NOL4L: variants seen among roughly 807,000 people sequenced by gnomAD.
The protein encoded by NOL4L is nucleolar protein 4-like.
In NOL4L, 7 loss-of-function variants were observed where a neutral mutation model predicts 64.5. That is an observed-to-expected ratio of 0.11 (90% CI 0.06 to 0.20). The LOEUF (loss-of-function observed/expected upper bound fraction) is 0.20. Ranked by LOEUF, NOL4L falls within the 10% of genes least tolerant of loss-of-function variation. NOL4L has a pLI of 1.00. For missense variants in NOL4L, 680 were observed against 967.1 expected (o/e 0.70, Z 3.94); for synonymous variants, 413 against 401.0 (o/e 1.03, Z -0.36).
At chr20:32,492,174 C>A (rs2016493778) in intron 4 of NOL4L, among the ~76,000 whole-genome samples, 2 of 152,194 alleles carry the variant, frequency 1.3e-5, no homozygotes, top group African/African-American at 4.8e-5. Context: ...GCACTATTCA[C>A]AACAGCTCCC....
At chr20:32,564,388 T>G (rs563820111) in intron 1 of NOL4L, among the ~76,000 whole-genome samples, 4 of 152,314 alleles carry the variant, frequency 2.6e-5, no homozygotes, top group Admixed American at 6.5e-5. Flanking sequence ...CAGCCCCATT[T>G]ACAGGGGAGA....
intron 5 of NOL4L, among the ~76,000 whole-genome samples, chr20:32,459,738 G>T (rs2013877969): frequency 6.6e-6 from 1 of 152,088 alleles, no homozygotes; most frequent in African/African-American, 2.4e-5. Flanking sequence ...TCGCTATATT[G>T]CCCAGGCTGG....
At chr20:32,465,825 G>C (rs1044204750) in intron 5 of NOL4L, among the ~76,000 whole-genome samples, 1 of 152,180 alleles carries the variant, frequency 6.6e-6, no homozygotes, top group Admixed American at 6.5e-5. Context: ...CCTTGAACAG[G>C]CTCCCGGTGG....
intron 10 of NOL4L, among the ~76,000 whole-genome samples, chr20:32,451,295 G>C (rs1177370944): frequency 6.6e-6 from 1 of 152,224 alleles, no homozygotes; most frequent in Non-Finnish European, 1.5e-5. Flanking sequence ...GGGGCAGACA[G>C]AATGACACAG....
chr20:32,505,608 TACTC>T (rs2017108176), intron 4 of NOL4L, among the ~76,000 whole-genome samples: 1 of 152,136 alleles, frequency 6.6e-6, no homozygotes, highest in Non-Finnish European at 1.5e-5. Flanking sequence ...TGGTCTCAGA[TACTC>T]AGGAGGCTGA....
chr20:32,510,233 A>G (rs2017336075), intron 4 of NOL4L: 2 of 353,014 alleles, frequency 5.7e-6, no homozygotes, highest in Non-Finnish European at 1.1e-5. Context: ...AAACAGTTCT[A>G]CCGCTCAGAG....
At chr20:32,470,275 G>A (rs751656250) in intron 5 of NOL4L, among the ~76,000 whole-genome samples, 1 of 152,254 alleles carries the variant, frequency 6.6e-6, no homozygotes, top group African/African-American at 2.4e-5. Flanking sequence ...AGCACATCCA[G>A]GGGAAACGGA....
intron 1 of NOL4L, 62 bp from the exon 2 acceptor site, chr20:32,527,975 C>G (rs1240115585): frequency 1.4e-5 from 19 of 1,359,970 alleles, no homozygotes; most frequent in Middle Eastern, 2.0e-4. Flanking sequence ...GAACTGGGCC[C>G]TGAGGCCGGG....
chr20:32,546,149 T>C (rs2145601781), intron 1 of NOL4L, among the ~76,000 whole-genome samples: 1 of 152,228 alleles, frequency 6.6e-6, no homozygotes, highest in African/African-American at 2.4e-5. Context: ...GGTTTCACCA[T>C]GCTGGCCAGG....
chr20:32,522,783 C>G (rs1241915175), intron 2 of NOL4L, among the ~76,000 whole-genome samples: 1 of 152,200 alleles, frequency 6.6e-6, no homozygotes, highest in Non-Finnish European at 1.5e-5. Flanking sequence ...CCGACAGATG[C>G]CCCTCGGCTC....
chr20:32,455,032 C>T (rs1181633968), intron 6 of NOL4L, among the ~76,000 whole-genome samples: 2 of 152,336 alleles, frequency 1.3e-5, no homozygotes, highest in East Asian at 1.9e-4. Context: ...ATGCCGAGGG[C>T]CCCCGCTGGC....
chr20:32,523,370 G>A (rs540462652), intron 2 of NOL4L, among the ~76,000 whole-genome samples: 10 of 152,156 alleles, frequency 6.6e-5, no homozygotes, highest in South Asian at 2.1e-4. Context: ...CTGCACTGCC[G>A]TAGGGACCTG....
chr20:32,459,591 G>A (rs556543432), intron 5 of NOL4L, among the ~76,000 whole-genome samples: 2 of 152,058 alleles, frequency 1.3e-5, no homozygotes, highest in Admixed American at 6.5e-5. Flanking sequence ...CACTATGTTG[G>A]CCAGGCTGGT....
chr20:32,573,571 A>G (rs868821436), intron 1 of NOL4L: 3 of 168,170 alleles, frequency 1.8e-5, no homozygotes, highest in African/African-American at 7.1e-5. Flanking sequence ...AGATACTTCT[A>G]TACAATAGCA....
chr20:32,535,871 GGGA>G (rs2018504688), intron 1 of NOL4L: 11 of 985,562 alleles, frequency 1.1e-5, no homozygotes, highest in Non-Finnish European at 1.3e-5. Context: ...GAGGGCTGGA[GGGA>G]GGAGTACTGT....
At chr20:32,531,096 G>A (rs1427854171) in intron 1 of NOL4L, among the ~76,000 whole-genome samples, 1 of 152,176 alleles carries the variant, frequency 6.6e-6, no homozygotes, top group Non-Finnish European at 1.5e-5. Flanking sequence ...CCATTTTTAA[G>A]TATAGAGTGA....
In NOL4L at chr20:32,569,539, G is replaced by A. The variant is rs77101740; in HGVS notation, c.321+15031C>T. Among the ~76,000 whole-genome samples the A allele has an allele frequency of 1.7e-3, 253 of 152,260 alleles. 2 individuals are homozygous for A. In the East Asian group the frequency reaches 0.023, roughly 14 times the overall value. On this transcript the variant is annotated intron_variant, in intron 1 of 10. Transcript: ENST00000621426. ...AGGCCTTGCACTCCCGCACTCCCTA[G>A]AGCACTACTTCCTGGGAAAGGGGGG... is the stretch of plus-strand genomic sequence containing the variant.
intron 2 of NOL4L, among the ~76,000 whole-genome samples, chr20:32,524,669 G>T (rs1009608865): frequency 6.6e-6 from 1 of 152,152 alleles, no homozygotes; most frequent in Non-Finnish European, 1.5e-5. Context: ...GTGATGCCAG[G>T]CTGTGCCCCT....
intron 1 of NOL4L, among the ~76,000 whole-genome samples, chr20:32,564,138 C>T (rs954022422): frequency 1.3e-5 from 2 of 152,238 alleles, no homozygotes; most frequent in African/African-American, 2.4e-5. Flanking sequence ...GGATGTCTGT[C>T]TGTCCCCATG....
Sources: gnomAD v4.1 joint callset for allele counts (sites outside exome capture counted in the v4.1 genomes callset) on GRCh38, gnomAD v4.1.1 for gene constraint, MANE v1.5 for transcripts, NCBI Gene and HGNC (gene_info 2026-07-23, HGNC 2026-07-21) for gene names.